The following SLC31A2 variants were observed in gnomAD, a reference collection of about 807,000 sequenced individuals.
SLC31A2 encodes protein SLC31A2.
Under a neutral mutation model 14.4 loss-of-function variants are expected in SLC31A2, and 16 were observed. The ratio of observed to expected loss-of-function variants is 1.11; its 90% CI spans 0.75 to 1.69. SLC31A2 has a LOEUF of 1.69. Ranked by LOEUF, SLC31A2 falls within the 40% of genes most tolerant of loss-of-function variation. The pLI, the probability that SLC31A2 is intolerant of heterozygous loss-of-function variation, is 0.00. For missense variants in SLC31A2, 140 were observed against 173.9 expected, an observed-to-expected ratio of 0.81 and a Z score of 1.10; for synonymous variants, 56 against 68.7, an observed-to-expected ratio of 0.82 and a Z score of 0.91.
At chr9:113,157,841 C>T in intron 2 of SLC31A2, 48 bp downstream of exon 2, 1 of 1,429,530 alleles carries the variant, frequency 7.0e-7, no homozygotes, top group Non-Finnish European at 9.8e-7. Context: ...CCTTGTAGTA[C>T]TAGGCAAGGG....
Position 113,151,093 on chromosome 9 carries a change from C to A in SLC31A2, c.6+13C>A. The A allele has an allele frequency of 7.7e-7, 1 of 1,305,364 alleles. No individual in the cohort carries two copies. Among genetic ancestry groups the A allele is most frequent in the Non-Finnish European group, 9.8e-7 (1 of 1,019,034 alleles). 80.9% of individuals were successfully genotyped at this position (1,305,364 alleles called of 1,614,324 possible). A position where few individuals can be genotyped will look rare whatever the true frequency, so the allele number is the denominator to read the frequency against. On this transcript the variant is annotated intron_variant, in intron 1 of 3. Coordinates refer to ENST00000259392, the MANE Select transcript of SLC31A2 (RefSeq NM_001860.3). This position sits in a 1 kb window ranked among gnomAD's most constrained non-coding sequence, Gnocchi z 4.2. ...ACTCACCATGGCGGTAAGGGCCGGG[C>A]GCTACGGTGAAGAGGGTGGGCGGTT... is the stretch of plus-strand genomic sequence containing the variant.
At position 113,162,885 on chromosome 9, in the gene SLC31A2, T is replaced by G. The variant is rs777566073; in HGVS notation, c.400T>G (p.Tyr134Asp). ...GVVLGSAVGYYLAYPLLSTA is the reference protein window; with the variant it reads ...GVVLGSAVGYDLAYPLLSTA ...GGTCTTGGGCTCTGCTGTGGGCTAC[T>G]ACCTAGCTTACCCACTTCTCAGCAC... Residue 134 changes from tyrosine to aspartate, a missense_variant, in exon 4 of 4, where the codon TAC becomes GAC. Tyr to Asp is a radical substitution (Grantham distance 160). Coordinates refer to ENST00000259392, the MANE Select transcript of SLC31A2 (RefSeq NM_001860.3). The G allele has an allele frequency of 1.4e-5, 23 of 1,612,468 alleles. No homozygotes were observed. Among genetic ancestry groups the G allele is most frequent in the Non-Finnish European group, 2.5e-6 (3 of 1,179,554 alleles).
In SLC31A2 at chr9:113,163,020, C is replaced by T. The variant is rs1830041953; in HGVS notation, c.*103C>T. On this transcript the variant is annotated 3_prime_UTR_variant, in exon 4 of 4. Transcript: ENST00000259392. ...TTTCTTCTGATGGCTATTCCTCCAC[C>T]TTATTCCCAGCCCCTGGAAACTTTG... is the stretch of plus-strand genomic sequence containing the variant. The T allele has an allele frequency of 2.6e-6, 3 of 1,136,702 alleles. No homozygotes were observed. The highest frequency in any genetic ancestry group is 1.8e-5 in the South Asian group (1 of 56,094). 70.4% of individuals were successfully genotyped at this position (1,136,702 alleles called of 1,614,324 possible).
chr9:113,163,466 A>T lies in SLC31A2; in HGVS notation c.*549A>T, dbSNP rs1456951397. ...CGTCTATGGATCATGTTGACAAACT[A>T]AGTTTTTTTTATTTTTCCCATTGAA... On this transcript the variant is annotated 3_prime_UTR_variant, in exon 4 of 4. Coordinates refer to ENST00000259392, the MANE Select transcript of SLC31A2 (RefSeq NM_001860.3). The T allele has an allele frequency of 6.6e-6, 1 of 152,634 alleles. No individual in the cohort carries two copies. Among genetic ancestry groups the T allele is most frequent in the Non-Finnish European group, 1.5e-5 (1 of 68,044 alleles). The allele number at this position is 152,634 out of a possible 1,614,324, so 9.5% of individuals were successfully genotyped here. A position where few individuals can be genotyped will look rare whatever the true frequency, so the allele number is the denominator to read the frequency against.
At chr9:113,160,856 A>T (rs942701012) in intron 2 of SLC31A2, 1 of 152,258 alleles carries the variant, frequency 6.6e-6, no homozygotes, top group Non-Finnish European at 1.5e-5. Flanking sequence ...GTCGTGTGCC[A>T]GGAAACCAGG....
chr9:113,157,866 C>G lies in SLC31A2; in HGVS notation c.73+73C>G, dbSNP rs1479956447. ...CTAGGCAAGGGAGAATCTGGGTTCT[C>G]TTGATTCTCTGTGGGCATTTAAGTG... On this transcript the variant is annotated intron_variant, in intron 2 of 3. Coordinates refer to ENST00000259392, the MANE Select transcript of SLC31A2 (RefSeq NM_001860.3). 6 of 1,166,714 alleles carry G rather than the reference C, an allele frequency of 5.1e-6. No individual in the cohort carries two copies. The African/African-American group carries it at 7.6e-5, about 15-fold the overall frequency. The allele number at this position is 1,166,714 out of a possible 1,614,324, so 72.3% of individuals were successfully genotyped here.
At chr9:113,162,692 C>A in intron 3 of SLC31A2, 57 bp from the exon 4 acceptor site, 1 of 1,515,046 alleles carries the variant, frequency 6.6e-7, no homozygotes, top group South Asian at 1.2e-5. Flanking sequence ...TATCTACTCC[C>A]AGCTTCCTCA....
chr9:113,153,031 C>T (rs1829887872), intron 1 of SLC31A2, among the ~76,000 whole-genome samples: 1 of 152,056 alleles, frequency 6.6e-6, no homozygotes, highest in Non-Finnish European at 1.5e-5. Context: ...ATGAGGCCAT[C>T]TCCGGTGTAA....
chr9:113,159,329 C>G (rs1302265927), intron 2 of SLC31A2, among the ~76,000 whole-genome samples: 1 of 152,082 alleles, frequency 6.6e-6, no homozygotes. Flanking sequence ...GACAGGGTTT[C>G]ACCACGTTGG....
At position 113,157,725 on chromosome 9, in the gene SLC31A2, A is replaced by G; in HGVS notation, c.7-2A>G. 1 of 1,610,914 alleles carries G rather than the reference A, an allele frequency of 6.2e-7. No individual in the cohort carries two copies. Among genetic ancestry groups the G allele is most frequent in the Non-Finnish European group, 8.5e-7 (1 of 1,178,212 alleles). ...TATGATGCAGATTCCTTTCTCTTTC[A>G]GATGCATTTCATCTTCTCAGATACA... On this transcript the variant is annotated splice_acceptor_variant, in intron 1 of 3. Coordinates refer to ENST00000259392, the MANE Select transcript of SLC31A2 (RefSeq NM_001860.3). LOFTEE classifies it high-confidence loss of function.
rs1442660778 is a variant in SLC31A2 at position 113,151,061 on chromosome 9, C to T, written c.-14C>T. 9.2e-6 allele frequency: 12 copies of T among 1,307,490 alleles called. No individual in the cohort carries two copies. Among genetic ancestry groups the T allele is most frequent in the Non-Finnish European group, 1.2e-5 (12 of 1,021,248 alleles). 81.0% of individuals were successfully genotyped at this position (1,307,490 alleles called of 1,614,324 possible). On this transcript the variant is annotated 5_prime_UTR_variant, in exon 1 of 4. Coordinates refer to ENST00000259392, the MANE Select transcript of SLC31A2 (RefSeq NM_001860.3). This position sits in a 1 kb window ranked among gnomAD's most constrained non-coding sequence, Gnocchi z 4.2. ...GAGCAGACGCGGCCCTGGCGCCCGC[C>T]CTGCGCACTCACCATGGCGGTAAGG...
At chr9:113,153,674 G>A (rs1269610910) in intron 1 of SLC31A2, among the ~76,000 whole-genome samples, 2 of 151,730 alleles carry the variant, frequency 1.3e-5, no homozygotes, top group Non-Finnish European at 2.9e-5. Flanking sequence ...GGCACATGCA[G>A]TCCCTCAGAA....
At position 113,151,125 on chromosome 9, in the gene SLC31A2, G is replaced by T; in HGVS notation, c.6+45G>T. 1 of 1,289,624 alleles carries T rather than the reference G, an allele frequency of 7.8e-7. No homozygotes were observed. Among genetic ancestry groups the T allele is most frequent in the East Asian group, 2.9e-5 (1 of 34,440 alleles). The allele number at this position is 1,289,624 out of a possible 1,614,324, so 79.9% of individuals were successfully genotyped here. A position where few individuals can be genotyped will look rare whatever the true frequency, so the allele number is the denominator to read the frequency against. On this transcript the variant is annotated intron_variant, in intron 1 of 3. Coordinates refer to ENST00000259392, the MANE Select transcript of SLC31A2 (RefSeq NM_001860.3). The surrounding 1 kb of genome is among the most constrained non-coding windows in gnomAD (Gnocchi z 4.2). ...GTGAAGAGGGTGGGCGGTTGGGGCG[G>T]GGTCTCCTGGAGCTGCCATCTCGGC...
intron 3 of SLC31A2, 117 bp from the exon 4 acceptor site, chr9:113,162,632 A>G: frequency 1.1e-6 from 1 of 940,222 alleles, no homozygotes. Context: ...TTAAGCATAC[A>G]AGTTATAAAT....
chr9:113,156,297 C>G, intron 1 of SLC31A2: 1 of 402,146 alleles, frequency 2.5e-6, no homozygotes, highest in South Asian at 1.9e-5. Context: ...TTTCCCTCTT[C>G]ATACTCATTT....
rs1218033380 is a variant in SLC31A2 at position 113,151,189 on chromosome 9, A to G, written c.6+109A>G. 2 of 1,151,340 alleles carry G rather than the reference A, an allele frequency of 1.7e-6. No individual in the cohort carries two copies. Among genetic ancestry groups the G allele is most frequent in the Admixed American group, 8.4e-5 (2 of 23,878 alleles). 71.3% of individuals were successfully genotyped at this position (1,151,340 alleles called of 1,614,324 possible). A position where few individuals can be genotyped will look rare whatever the true frequency, so the allele number is the denominator to read the frequency against. ...GCTGCCGCTGGCCCGGGGCTGGTGA[A>G]GGGTGTGTTGGCAGCATTGCCAACA... On this transcript the variant is annotated intron_variant, in intron 1 of 3. Transcript: ENST00000259392. This position sits in a 1 kb window ranked among gnomAD's most constrained non-coding sequence, Gnocchi z 4.2.
At chr9:113,157,662 G>A in intron 1 of SLC31A2, 65 bp from the exon 2 acceptor site, 2 of 1,324,516 alleles carry the variant, frequency 1.5e-6, no homozygotes, top group Non-Finnish European at 2.1e-6. Flanking sequence ...AGGTGCTGGA[G>A]AGCATTAAGG....
Position 113,161,903 on chromosome 9 carries a change from A to G in SLC31A2, c.263+205A>G. On this transcript the variant is annotated intron_variant, in intron 3 of 3. Transcript: ENST00000259392. ...AGGCCAAAGCACTCTGTGAACAGCC[A>G]GCCACTTGAGAGGCTCAGAAGGCTT... 6 of 679,276 alleles carry G rather than the reference A, an allele frequency of 8.8e-6. No individual in the cohort carries two copies. The South Asian group carries it at 9.3e-5, about 11-fold the overall frequency. The allele number at this position is 679,276 out of a possible 1,614,324, so 42.1% of individuals were successfully genotyped here. A position where few individuals can be genotyped will look rare whatever the true frequency, so the allele number is the denominator to read the frequency against.
chr9:113,163,086 T>TA lies in SLC31A2; in HGVS notation c.*169_*170insA. The TA allele has an allele frequency of 1.7e-6, 1 of 580,544 alleles. No homozygotes were observed. Among genetic ancestry groups the TA allele is most frequent in the Non-Finnish European group, 2.9e-6 (1 of 346,928 alleles). The allele number at this position is 580,544 out of a possible 1,614,324, so 36.0% of individuals were successfully genotyped here. A position where few individuals can be genotyped will look rare whatever the true frequency, so the allele number is the denominator to read the frequency against. On this transcript the variant is annotated 3_prime_UTR_variant, in exon 4 of 4. Coordinates refer to ENST00000259392, the MANE Select transcript of SLC31A2 (RefSeq NM_001860.3). ...TTGCTCCCTGGAGTTCGGAAGCCAT[T>TA]GCAGCAACCTTCCTTCTCAGCCAGC...
Sources: allele counts gnomAD v4.1 joint callset (sites outside exome capture counted in the v4.1 genomes callset), GRCh38; gene constraint gnomAD v4.1.1; non-coding constraint Gnocchi (gnomAD v3.1); transcripts MANE v1.5; gene names NCBI Gene and HGNC (gene_info 2026-07-23, HGNC 2026-07-21).